RALY: variants seen among roughly 807,000 people sequenced by gnomAD.
RALY encodes RALY heterogeneous nuclear ribonucleoprotein.
In RALY, 15 loss-of-function variants were observed where a neutral mutation model predicts 30.7. The observed-to-expected ratio is 0.49, with a 90% CI of 0.33 to 0.75. The LOEUF is 0.75. Among genes scored for constraint, RALY ranks in the 30% least tolerant of loss-of-function variants. The pLI, the probability that RALY is intolerant of heterozygous loss-of-function variation, is 0.02. For missense variants in RALY, 339 were observed against 414.3 expected (o/e 0.82, Z 1.58); for synonymous variants, 177 against 170.8 (o/e 1.04, Z -0.28).
intron 1 of RALY, among the ~76,000 whole-genome samples, chr20:33,999,645 G>T (rs1399204074): frequency 6.6e-6 from 1 of 152,098 alleles, no homozygotes; most frequent in African/African-American, 2.4e-5. Context: ...TCTCTGCTAG[G>T]CACTGGGAAA....
At chr20:34,011,602 GAAT>G (rs2123017278) in intron 1 of RALY, among the ~76,000 whole-genome samples, 1 of 152,310 alleles carries the variant, frequency 6.6e-6, no homozygotes, top group South Asian at 2.1e-4. Context: ...GGAGTGGAAA[GAAT>G]AAAGCTAGAG....
intron 1 of RALY, among the ~76,000 whole-genome samples, chr20:34,024,939 C>CAGAAGGGTTG (rs1555802723): frequency 8.5e-5 from 13 of 152,280 alleles, no homozygotes; most frequent in African/African-American, 2.4e-4. Context: ...GCAAGCCTTA[C>CAGAAGGGTTG]AGAAGGGTTG....
intron 2 of RALY, among the ~76,000 whole-genome samples, chr20:34,055,102 A>G (rs543223142): frequency 6.6e-6 from 1 of 152,304 alleles, no homozygotes; most frequent in East Asian, 1.9e-4. Context: ...TAAATCATTT[A>G]CCCAGGATCA....
intron 1 of RALY, among the ~76,000 whole-genome samples, chr20:33,997,875 T>A (rs1005741522): frequency 6.6e-6 from 1 of 152,170 alleles, no homozygotes; most frequent in Non-Finnish European, 1.5e-5. Context: ...AAACACATGA[T>A]CATGTGTCTG....
At chr20:34,022,729 T>C (rs1463598839) in intron 1 of RALY, among the ~76,000 whole-genome samples, 4 of 152,158 alleles carry the variant, frequency 2.6e-5, no homozygotes, top group Admixed American at 6.5e-5. Flanking sequence ...AGTTTTAAGC[T>C]CATTTCTGCC....
At chr20:34,020,009 C>T (rs901030333) in intron 1 of RALY, among the ~76,000 whole-genome samples, 3 of 151,774 alleles carry the variant, frequency 2.0e-5, no homozygotes, top group Non-Finnish European at 2.9e-5. Flanking sequence ...TGCAGTGAGC[C>T]GAGATCCCGC....
chr20:34,071,651 A>G (rs552344370), intron 2 of RALY, among the ~76,000 whole-genome samples: 66 of 152,216 alleles, frequency 4.3e-4, no homozygotes, highest in Non-Finnish European at 2.9e-5. Context: ...ATGGTTCTAC[A>G]TTGAAGATCT....
intron 2 of RALY, among the ~76,000 whole-genome samples, chr20:34,037,135 G>A (rs1351092933): frequency 6.6e-6 from 1 of 152,178 alleles, no homozygotes; most frequent in Non-Finnish European, 1.5e-5. Flanking sequence ...CTCTGGAGAA[G>A]TATCAAACTT....
chr20:34,049,633 A>G (rs2033009055), intron 2 of RALY, among the ~76,000 whole-genome samples: 1 of 152,216 alleles, frequency 6.6e-6, no homozygotes, highest in African/African-American at 2.4e-5. Context: ...CAACTTTGTA[A>G]TGATTGGCGT....
At chr20:34,047,529 C>T (rs1407160339) in intron 2 of RALY, among the ~76,000 whole-genome samples, 1 of 152,144 alleles carries the variant, frequency 6.6e-6, no homozygotes, top group African/African-American at 2.4e-5. Flanking sequence ...CTATGGCTGA[C>T]CATGGGCCAT....
At chr20:34,001,833 C>G (rs1456792342) in intron 1 of RALY, among the ~76,000 whole-genome samples, 2 of 152,046 alleles carry the variant, frequency 1.3e-5, no homozygotes, top group Admixed American at 1.3e-4. Context: ...GTGGCATGAT[C>G]TCCGCTCACT....
chr20:34,047,648 T>C (rs1487254430), intron 2 of RALY, among the ~76,000 whole-genome samples: 2 of 152,206 alleles, frequency 1.3e-5, no homozygotes, highest in African/African-American at 4.8e-5. Flanking sequence ...CCATTTACTG[T>C]AATAATTGTG....
At position 34,077,225 on chromosome 20, in the gene RALY, A is replaced by G; in HGVS notation, c.856A>G (p.Thr286Ala). The G allele has an allele frequency of 1.9e-6, 3 of 1,613,728 alleles. No individual in the cohort carries two copies. The highest frequency in any genetic ancestry group is 2.5e-6 in the Non-Finnish European group (3 of 1,179,850). The change falls in exon 8 of 10, where the codon ACA becomes GCA. Residue 286 changes from threonine to alanine, a missense_variant. Around this residue, in one of 2 missense-constraint regions of RALY, gnomAD observed 268 missense variants for 280.6 expected, o/e 0.95. Coordinates refer to ENST00000246194, the MANE Select transcript of RALY (RefSeq NM_016732.3). ...CGACGGCGATGAGGAAGGGCTCCTG[A>G]CACACAGCGAGGAAGAGCTGGTGAG... ...RDDGDEEGLL[T>A]HSEEELEHSQ...
rs2033743019 is a variant in RALY at position 34,072,080 on chromosome 20, C to G, written c.6C>G (p.Ser2=). Residue 2 remains serine, a synonymous_variant, in exon 3 of 10, where the codon TCC becomes TCG. Coordinates refer to ENST00000246194, the MANE Select transcript of RALY (RefSeq NM_016732.3). ...TTTTTCTTCAGGTGGGCACCATGTC[C>G]TTGAAGCTTCAGGCAAGCAATGTAA... M[S]LKLQASNVTN... is the part of the protein sequence containing the mutation. 6.2e-7 allele frequency: 1 copy of G among 1,613,982 alleles called. No homozygotes were observed. The highest frequency in any genetic ancestry group is 8.5e-7 in the Non-Finnish European group (1 of 1,179,944).
At chr20:34,039,882 G>C (rs192873433) in intron 2 of RALY, among the ~76,000 whole-genome samples, 1 of 152,298 alleles carries the variant, frequency 6.6e-6, no homozygotes, top group East Asian at 1.9e-4. Flanking sequence ...GGAGGCCAAG[G>C]AGGAAGGATC....
intron 1 of RALY, among the ~76,000 whole-genome samples, chr20:34,025,556 A>G (rs1256414010): frequency 6.6e-6 from 1 of 152,014 alleles, no homozygotes; most frequent in Non-Finnish European, 1.5e-5. Flanking sequence ...CGCCCACCTC[A>G]GCTTCCCAAA....
intron 1 of RALY, among the ~76,000 whole-genome samples, chr20:34,010,873 T>C (rs564646936): frequency 9.1e-4 from 139 of 152,302 alleles, no homozygotes; most frequent in Admixed American, 2.6e-3. Flanking sequence ...CTCAGCTTAG[T>C]ATCTCTCTGT....
At chr20:34,067,816 C>CTTTTTTT (rs11480087) in intron 2 of RALY, among the ~76,000 whole-genome samples, 13 of 132,668 alleles carry the variant, frequency 9.8e-5, no homozygotes, top group Non-Finnish European at 1.4e-4. Flanking sequence ...TTTCTTTTTT[C>CTTTTTTT]TTTTTTTTTT....
chr20:34,018,996 A>G (rs915347548), intron 1 of RALY, among the ~76,000 whole-genome samples: 1 of 152,114 alleles, frequency 6.6e-6, no homozygotes, highest in Non-Finnish European at 1.5e-5. Context: ...TATTTAGGAT[A>G]CAGTTTGAGC....
Sources: gnomAD v4.1 joint callset for allele counts (sites outside exome capture counted in the v4.1 genomes callset) on GRCh38, gnomAD v4.1.1 for gene constraint, gnomAD v4.1.1 regional missense constraint, MANE v1.5 for transcripts, NCBI Gene and HGNC (gene_info 2026-07-23, HGNC 2026-07-21) for gene names.